RAB38: variants seen among roughly 807,000 people sequenced by gnomAD.
The protein encoded by RAB38 is ras-related protein Rab-38.
Under a neutral mutation model 18.4 loss-of-function variants are expected in RAB38, and 15 were observed. The ratio of observed to expected loss-of-function variants is 0.82; its 90% CI spans 0.55 to 1.26. RAB38 has a LOEUF of 1.26. Ranked by LOEUF, RAB38 falls within the 50% of genes most tolerant of loss-of-function variation. RAB38 has a pLI of 0.00. For missense variants in RAB38, 294 were observed against 267.4 expected (o/e 1.10, Z -0.69); for synonymous variants, 101 against 104.4 (o/e 0.97, Z 0.20).
downstream of RAB38, among the ~76,000 whole-genome samples, chr11:88,111,877 G>A (rs1196082054): frequency 2.6e-5 from 4 of 152,162 alleles, no homozygotes; most frequent in Non-Finnish European, 5.9e-5. Context: ...TTCAAAATAA[G>A]TACACTCTAA....
the RAB38 span, among the ~76,000 whole-genome samples, chr11:88,025,945 G>A: frequency 6.6e-6 from 1 of 151,822 alleles, no homozygotes; most frequent in East Asian, 1.9e-4. Flanking sequence ...CATTTCCAAA[G>A]GCCAATCTAC....
chr11:87,905,972 C>T, the RAB38 span, among the ~76,000 whole-genome samples: 5 of 151,958 alleles, frequency 3.3e-5, no homozygotes, highest in Non-Finnish European at 7.4e-5. Context: ...CTGTGTGCCT[C>T]TTGGTCTTCA....
chr11:88,166,383 T>C (rs1269343041), intron 1 of RAB38: 1 of 152,140 alleles, frequency 6.6e-6, no homozygotes. Flanking sequence ...AAACACCTAG[T>C]ATTAAAAAAT....
At chr11:87,808,945 C>A in the RAB38 span, among the ~76,000 whole-genome samples, 2 of 151,574 alleles carry the variant, frequency 1.3e-5, no homozygotes, top group Non-Finnish European at 2.9e-5. Flanking sequence ...TAAAAAGTAA[C>A]CATGAAAATA....
the RAB38 span, among the ~76,000 whole-genome samples, chr11:87,833,965 G>A: frequency 1.3e-5 from 2 of 152,278 alleles, no homozygotes; most frequent in East Asian, 3.9e-4. Context: ...AATTATCCAG[G>A]CAAGTCCAGT....
chr11:87,972,473 T>G, the RAB38 span, among the ~76,000 whole-genome samples: 1 of 152,044 alleles, frequency 6.6e-6, no homozygotes, highest in South Asian at 2.1e-4. Flanking sequence ...CTATACTGAA[T>G]GAACAGAGAT....
chr11:88,118,342 C>T (rs1942584929), intron 2 of RAB38, among the ~76,000 whole-genome samples: 3 of 152,158 alleles, frequency 2.0e-5, no homozygotes, highest in Non-Finnish European at 2.9e-5. Context: ...GAAGAAATAG[C>T]AATATAGAAC....
the RAB38 span, among the ~76,000 whole-genome samples, chr11:88,057,224 C>T: frequency 2.0e-5 from 3 of 152,166 alleles, no homozygotes; most frequent in Non-Finnish European, 2.9e-5. Context: ...TTTCCTCTGC[C>T]TGCACAAAGG....
At chr11:87,968,765 G>A in the RAB38 span, among the ~76,000 whole-genome samples, 1 of 152,068 alleles carries the variant, frequency 6.6e-6, no homozygotes, top group Non-Finnish European at 1.5e-5. Flanking sequence ...TTGTAACAAA[G>A]AGTTGATATT....
At chr11:88,154,250 C>T (rs1386472963) in intron 1 of RAB38, among the ~76,000 whole-genome samples, 4 of 152,150 alleles carry the variant, frequency 2.6e-5, no homozygotes, top group African/African-American at 7.2e-5. Context: ...ATTTTTAATC[C>T]GAGTGCATAG....
chr11:87,945,465 A>G, the RAB38 span, among the ~76,000 whole-genome samples: 1 of 152,172 alleles, frequency 6.6e-6, no homozygotes, highest in East Asian at 1.9e-4. Flanking sequence ...ATTCCTTTTG[A>G]CAACGGGGTT....
intron 1 of RAB38, among the ~76,000 whole-genome samples, chr11:88,157,123 A>G (rs1943137117): frequency 1.3e-5 from 2 of 152,226 alleles, no homozygotes; most frequent in East Asian, 1.9e-4. Flanking sequence ...TGACACCCAT[A>G]GGCTCAAAGT....
chr11:88,101,643 C>T, the RAB38 span, among the ~76,000 whole-genome samples: 83 of 151,744 alleles, frequency 5.5e-4, no homozygotes, highest in African/African-American at 1.9e-3. Flanking sequence ...ATTTAATATG[C>T]ATATTTTATA....
At chr11:87,863,193 G>C in the RAB38 span, among the ~76,000 whole-genome samples, 1 of 151,728 alleles carries the variant, frequency 6.6e-6, no homozygotes, top group African/African-American at 2.4e-5. Context: ...TCAAATATCA[G>C]TTCTGCAAAA....
the RAB38 span, among the ~76,000 whole-genome samples, chr11:88,104,891 G>A: frequency 2.0e-5 from 3 of 152,038 alleles, no homozygotes; most frequent in African/African-American, 7.2e-5. Flanking sequence ...AAATTAATCA[G>A]TATTTAAATC....
At chr11:88,037,244 G>T in the RAB38 span, among the ~76,000 whole-genome samples, 4 of 152,076 alleles carry the variant, frequency 2.6e-5, no homozygotes, top group African/African-American at 9.6e-5. Context: ...AGGTTTACCT[G>T]TAATAATCTC....
chr11:87,951,155 C>G, the RAB38 span, among the ~76,000 whole-genome samples: 6 of 152,150 alleles, frequency 3.9e-5, no homozygotes, highest in Non-Finnish European at 8.8e-5. Context: ...ATCACTGATA[C>G]CCTTTCTTCC....
the RAB38 span, among the ~76,000 whole-genome samples, chr11:87,920,359 T>G: frequency 5.9e-5 from 9 of 152,102 alleles, no homozygotes; most frequent in South Asian, 1.9e-3. Context: ...CTGCTCAAGA[T>G]TAAAAAAAAT....
the RAB38 span, among the ~76,000 whole-genome samples, chr11:88,026,230 C>G: frequency 2.0e-5 from 3 of 151,870 alleles, no homozygotes; most frequent in Non-Finnish European, 2.9e-5. Context: ...TTAGTGGTTG[C>G]CAGGTGTTGG....
Sources: allele counts gnomAD v4.1 joint callset (sites outside exome capture counted in the v4.1 genomes callset), GRCh38; gene constraint gnomAD v4.1.1; transcripts MANE v1.5; gene names NCBI Gene and HGNC (gene_info 2026-07-23, HGNC 2026-07-21).